The following RBFOX1 variants were observed in gnomAD, a reference collection of about 807,000 sequenced individuals.
The protein encoded by RBFOX1 is RNA binding fox-1 homolog 1.
RBFOX1 carries 8 observed loss-of-function variants against 57.7 expected under a neutral mutation model. The observed-to-expected ratio is 0.14, with a 90% confidence interval of 0.08 to 0.25. The LOEUF (loss-of-function observed/expected upper bound fraction) is 0.25. Ranked by LOEUF, RBFOX1 falls within the 10% of genes least tolerant of loss-of-function variation. The pLI is 1.00. For missense variants in RBFOX1, 611 were observed against 548.5 expected, an observed-to-expected ratio of 1.11 and a Z score of -1.14; for synonymous variants, 326 against 222.4, an observed-to-expected ratio of 1.47 and a Z score of -4.15.
At chr16:6,809,652 C>G (rs1018332767) in intron 3 of RBFOX1, among the ~76,000 whole-genome samples, 40 of 152,140 alleles carry the variant, frequency 2.6e-4, no homozygotes, top group African/African-American at 8.9e-4. Context: ...ATAGAACAAA[C>G]TGAAGTCTGA....
At chr16:6,565,695 C>T (rs1414917673) in intron 2 of RBFOX1, among the ~76,000 whole-genome samples, 2 of 152,162 alleles carry the variant, frequency 1.3e-5, no homozygotes, top group Non-Finnish European at 2.9e-5. Context: ...GTCTCGATCT[C>T]CTGACCTCGT....
At chr16:6,994,926 A>G (rs868047914) in intron 3 of RBFOX1, among the ~76,000 whole-genome samples, 5 of 149,432 alleles carry the variant, frequency 3.3e-5, no homozygotes, top group Admixed American at 3.3e-4. Context: ...CTGATTGGGC[A>G]TGTGATTCTT....
At chr16:7,383,229 C>A (rs192422532) in intron 4 of RBFOX1, among the ~76,000 whole-genome samples, 2 of 151,494 alleles carry the variant, frequency 1.3e-5, no homozygotes, top group African/African-American at 4.8e-5. Flanking sequence ...TCTCATGTAT[C>A]CCATAAACAT....
intron 1 of RBFOX1, among the ~76,000 whole-genome samples, chr16:5,317,976 C>G (rs957842373): frequency 6.6e-6 from 1 of 152,094 alleles, no homozygotes; most frequent in Non-Finnish European, 1.5e-5. Context: ...TACTTTCTGC[C>G]TCTAAATGCT....
intron 5 of RBFOX1, 80 bp downstream of exon 5, chr16:7,518,469 C>T: frequency 6.6e-7 from 1 of 1,515,522 alleles, no homozygotes; most frequent in Admixed American, 2.0e-5. Context: ...GGGTGCACCC[C>T]CATCTACCCA....
chr16:5,887,921 A>C (rs560172693), intron 4 of RBFOX1, among the ~76,000 whole-genome samples: 1 of 152,164 alleles, frequency 6.6e-6, no homozygotes, highest in African/African-American at 2.4e-5. Flanking sequence ...GATTTCCACT[A>C]TTCTGAACAA....
At chr16:6,310,565 C>CA (rs35094442) in intron 1 of RBFOX1, among the ~76,000 whole-genome samples, 6 of 152,102 alleles carry the variant, frequency 3.9e-5, no homozygotes, top group Middle Eastern at 3.4e-3. Flanking sequence ...ATTCTATGGA[C>CA]AAAAAAACTG....
rs184844780 is a variant in RBFOX1 at position 5,256,668 on chromosome 16, C to G, written c.219+16563C>G. On this transcript the variant is annotated intron_variant, in intron 1 of 2. Transcript: ENST00000585867. Reference sequence around the variant, plus strand: ...ATAGCTAAGTGGCTGGGCATGGTGGCTCATGCCTGTAATCCTAGCACTTTG... The same window carrying G: ...ATAGCTAAGTGGCTGGGCATGGTGGGTCATGCCTGTAATCCTAGCACTTTG... Among the ~76,000 whole-genome samples, 44 of 152,264 alleles carry G rather than the reference C, an allele frequency of 2.9e-4. No individual in the cohort carries two copies. In the East Asian group the frequency reaches 7.0e-3, roughly 24 times the overall value.
chr16:7,360,309 C>G (rs2097297258), intron 4 of RBFOX1, among the ~76,000 whole-genome samples: 1 of 152,158 alleles, frequency 6.6e-6, no homozygotes, highest in African/African-American at 2.4e-5. Flanking sequence ...GTTAGCCAAA[C>G]TGTGGTCAAC....
intron 2 of RBFOX1, among the ~76,000 whole-genome samples, chr16:6,566,697 A>G (rs1353370391): frequency 6.6e-6 from 1 of 152,168 alleles, no homozygotes; most frequent in Non-Finnish European, 1.5e-5. Context: ...TCAGTATTCC[A>G]TCCACTTTTC....
At position 7,458,312 on chromosome 16, in the gene RBFOX1, C is replaced by T. The variant is rs112924451; in HGVS notation, c.28-59835C>T. ...GTGATTGTGTGTCTCTCTGCCTTCC[C>T]CTAAGTCTGCCGTGTCCCTGGGCCA... On this transcript the variant is annotated intron_variant, in intron 4 of 15. Coordinates refer to ENST00000550418, the MANE Select transcript of RBFOX1 (RefSeq NM_018723.4). 4.9e-3 allele frequency among the ~76,000 whole-genome samples: 745 copies of T among 152,256 alleles called. 4 individuals are homozygous for T. Among genetic ancestry groups the T allele is most frequent in the African/African-American group, 0.016 (683 of 41,554 alleles).
rs1385920623 is a variant in RBFOX1, at chr16:5,402,887, A to G, written c.220-64329A>G. On this transcript the variant is annotated intron_variant, in intron 1 of 2. Coordinates refer to the RBFOX1 transcript ENST00000585867. ...AAGTGCCAGCCGCATACTAGTAAAC[A>G]AGAGAGATAATTAACAACCAGAAAA... 2.0e-5 allele frequency among the ~76,000 whole-genome samples: 3 copies of G among 152,312 alleles called. No homozygotes were observed. In the East Asian group the frequency reaches 5.8e-4, roughly 29 times the overall value.
At chr16:7,202,114 C>T (rs1184279351) in intron 4 of RBFOX1, among the ~76,000 whole-genome samples, 1 of 151,844 alleles carries the variant, frequency 6.6e-6, no homozygotes, top group African/African-American at 2.4e-5. Context: ...ACAACAACAA[C>T]CACAGCAATA....
chr16:7,490,036 C>T (rs2066511541), intron 4 of RBFOX1, among the ~76,000 whole-genome samples: 2 of 152,142 alleles, frequency 1.3e-5, no homozygotes, highest in South Asian at 2.1e-4. Context: ...TGTGTCTCCC[C>T]ATGTTTCTCT....
rs561034469 is a variant in RBFOX1 at position 5,435,614 on chromosome 16, C to A, written c.220-31602C>A. Among the ~76,000 whole-genome samples the A allele has an allele frequency of 3.0e-4, 46 of 152,274 alleles. 1 individual carries two copies. Among genetic ancestry groups the A allele is most frequent in the African/African-American group, 1.1e-3 (46 of 41,562 alleles). ...TGGGACCCAGGAGGGCCACCTCACTCTGTCTAGTTCTTGCGTCACCATAGG... is the reference window on the plus strand; with the variant it reads ...TGGGACCCAGGAGGGCCACCTCACTATGTCTAGTTCTTGCGTCACCATAGG... On this transcript the variant is annotated intron_variant, in intron 1 of 2. Transcript: ENST00000585867.
intron 4 of RBFOX1, among the ~76,000 whole-genome samples, chr16:7,465,709 C>T (rs1172025075): frequency 6.6e-6 from 1 of 152,140 alleles, no homozygotes; most frequent in East Asian, 1.9e-4. Flanking sequence ...TCAATAGGAG[C>T]ACTCATTAAA....
rs1359390117 is a variant in RBFOX1, at chr16:6,710,975, G to A, written c.-16+56325G>A. The stretch of plus-strand genomic sequence containing the variant: ...TGTAACGGGAGTGCAATTCCCCAAA[G>A]AAGCTCTACTGAGCGGAAAAATGGC... On this transcript the variant is annotated intron_variant, in intron 3 of 15. Coordinates refer to ENST00000550418, the MANE Select transcript of RBFOX1 (RefSeq NM_018723.4). Among the ~76,000 whole-genome samples, 7 of 152,286 alleles carry A rather than the reference G, an allele frequency of 4.6e-5. No homozygotes were observed. In the East Asian group the frequency reaches 1.4e-3, roughly 29 times the overall value.
At position 5,495,374 on chromosome 16, in the gene RBFOX1, C is replaced by T. The variant is rs148875752; in HGVS notation, c.258+28120C>T. Among the ~76,000 whole-genome samples, 10 of 152,352 alleles carry T rather than the reference C, an allele frequency of 6.6e-5. No individual in the cohort carries two copies. In the East Asian group the frequency reaches 1.9e-3, roughly 29 times the overall value. On this transcript the variant is annotated intron_variant, in intron 2 of 2. Transcript: ENST00000585867. ...GGGGAACGTGTTGCAGACTTTTAAA[C>T]AACCAGATCTCGGGAGAACTTGCTC...
At chr16:7,163,520 C>G (rs993477077) in intron 4 of RBFOX1, among the ~76,000 whole-genome samples, 1 of 152,136 alleles carries the variant, frequency 6.6e-6, no homozygotes, top group Non-Finnish European at 1.5e-5. Context: ...CGTTAGCACT[C>G]CCTTTAACAT....
Sources: allele counts gnomAD v4.1 joint callset (sites outside exome capture counted in the v4.1 genomes callset), GRCh38; gene constraint gnomAD v4.1.1; transcripts MANE v1.5; gene names NCBI Gene and HGNC (gene_info 2026-07-23, HGNC 2026-07-21).